Variants in BCKDHB observed in about 807,000 individuals in gnomAD.
BCKDHB encodes 2-oxoisovalerate dehydrogenase subunit beta, mitochondrial.
A neutral mutation model predicts 48.5 loss-of-function variants in BCKDHB; 41 were observed. The observed-to-expected ratio is 0.85, with a 90% CI of 0.66 to 1.10. The LOEUF (loss-of-function observed/expected upper bound fraction) is 1.10. BCKDHB is among the 50% of genes least tolerant of loss of function. BCKDHB has a pLI of 0.00. For missense variants in BCKDHB, 496 were observed against 494.2 expected, an observed-to-expected ratio of 1.00 and a Z score of -0.03; for synonymous variants, 201 against 174.8, an observed-to-expected ratio of 1.15 and a Z score of -1.18.
At chr6:80,336,252 T>G (rs1769585836) in intron 9 of BCKDHB, among the ~76,000 whole-genome samples, 1 of 151,922 alleles carries the variant, frequency 6.6e-6, no homozygotes, top group African/African-American at 2.4e-5. Context: ...GATTTTATTC[T>G]GACACAGCTG....
chr6:80,129,973 A>G (rs1044208845), intron 3 of BCKDHB, among the ~76,000 whole-genome samples: 1 of 152,208 alleles, frequency 6.6e-6, no homozygotes, highest in African/African-American at 2.4e-5. Flanking sequence ...AAGTTGACAT[A>G]TAATGAACCA....
chr6:80,326,098 TTAA>T (rs1469572501), intron 9 of BCKDHB, among the ~76,000 whole-genome samples: 1 of 152,192 alleles, frequency 6.6e-6, no homozygotes, highest in East Asian at 1.9e-4. Flanking sequence ...GTGTAGGATG[TTAA>T]TAATATTAAC....
the BCKDHB span, among the ~76,000 whole-genome samples, chr6:80,404,381 A>C: frequency 1.3e-5 from 2 of 151,600 alleles, no homozygotes; most frequent in Non-Finnish European, 2.9e-5. Flanking sequence ...AATCTCTTCT[A>C]TTCCTTTGTG....
chr6:80,322,256 GGTGA>G (rs1768775882), intron 9 of BCKDHB, among the ~76,000 whole-genome samples: 2 of 92,778 alleles, frequency 2.2e-5, no homozygotes, highest in Admixed American at 9.7e-5. Context: ...TTTTTTTTTT[GGTGA>G]CGGAGTCGCA....
At chr6:80,258,273 C>G (rs892317156) in intron 8 of BCKDHB, among the ~76,000 whole-genome samples, 2 of 152,140 alleles carry the variant, frequency 1.3e-5, no homozygotes, top group African/African-American at 4.8e-5. Flanking sequence ...TTCACCTGTT[C>G]CTCATCAGCT....
At chr6:80,402,320 AGAT>A in the BCKDHB span, among the ~76,000 whole-genome samples, 1 of 151,828 alleles carries the variant, frequency 6.6e-6, no homozygotes, top group African/African-American at 2.4e-5. Context: ...AATAGGCGTG[AGAT>A]GATATCTTAT....
the BCKDHB span, among the ~76,000 whole-genome samples, chr6:80,426,465 A>G: frequency 6.6e-6 from 1 of 152,140 alleles, no homozygotes; most frequent in African/African-American, 2.4e-5. Context: ...ACAATGCTAT[A>G]AATTTTCCTG....
intron 6 of BCKDHB, among the ~76,000 whole-genome samples, chr6:80,193,428 A>G (rs1458176151): frequency 6.6e-6 from 1 of 152,122 alleles, no homozygotes; most frequent in Non-Finnish European, 1.5e-5. Context: ...TCAGTTTAAG[A>G]AGTCTCCTGG....
chr6:80,182,890 T>A (rs968118847), intron 6 of BCKDHB, among the ~76,000 whole-genome samples: 2 of 152,182 alleles, frequency 1.3e-5, no homozygotes, highest in African/African-American at 4.8e-5. Flanking sequence ...TTTGATATAT[T>A]TCTGTATCTA....
At chr6:80,159,399 CA>C (rs1772207400) in intron 3 of BCKDHB, among the ~76,000 whole-genome samples, 1 of 152,144 alleles carries the variant, frequency 6.6e-6, no homozygotes, top group Non-Finnish European at 1.5e-5. Context: ...AGTAACTCCT[CA>C]CAGTCTCAGA....
At chr6:80,153,753 CTGAT>C (rs140369196) in intron 3 of BCKDHB, among the ~76,000 whole-genome samples, 12,785 of 152,164 alleles carry the variant, frequency 0.084, 794 homozygotes, top group South Asian at 0.24. Flanking sequence ...CAGATCAGCT[CTGAT>C]TGATAGCCAG....
At chr6:80,119,485 A>C (rs914579657) in intron 1 of BCKDHB, among the ~76,000 whole-genome samples, 8 of 151,872 alleles carry the variant, frequency 5.3e-5, no homozygotes, top group African/African-American at 1.9e-4. Context: ...TACTGGGCTA[A>C]TTTTTTGTAT....
At chr6:80,434,601 A>T in the BCKDHB span, among the ~76,000 whole-genome samples, 1 of 151,870 alleles carries the variant, frequency 6.6e-6, no homozygotes, top group Non-Finnish European at 1.5e-5. Context: ...TTTTGTTTTG[A>T]TGTCTAATTA....
At chr6:80,321,115 T>A (rs1768692824) in intron 9 of BCKDHB, among the ~76,000 whole-genome samples, 1 of 152,136 alleles carries the variant, frequency 6.6e-6, no homozygotes, top group African/African-American at 2.4e-5. Flanking sequence ...ACAATATAGT[T>A]CATCTAGGGC....
At chr6:80,329,354 T>C (rs1769206616) in intron 9 of BCKDHB, among the ~76,000 whole-genome samples, 1 of 152,222 alleles carries the variant, frequency 6.6e-6, no homozygotes, top group South Asian at 2.1e-4. Flanking sequence ...GTGTCTCACT[T>C]AGATTACCAG....
chr6:80,193,474 T>G (rs1049393039), intron 6 of BCKDHB, among the ~76,000 whole-genome samples: 1 of 152,114 alleles, frequency 6.6e-6, no homozygotes, highest in Non-Finnish European at 1.5e-5. Flanking sequence ...ATCCCAGCAC[T>G]TTGGGAGGCC....
rs184947777 is a variant in BCKDHB at position 80,210,614 on chromosome 6, C to A, written c.951+7402C>A. ...AAAAAGAAATAAAAAGAAGCACTAT[C>A]TTCTGTTTAATTCATTTCCTTTACT... On this transcript the variant is annotated intron_variant, in intron 8 of 9. Transcript: ENST00000320393. Among the ~76,000 whole-genome samples the A allele has an allele frequency of 3.4e-4, 51 of 152,236 alleles. No individual in the cohort carries two copies. The East Asian group carries it at 8.7e-3, about 26-fold the overall frequency.
At chr6:80,191,794 G>A (rs577513781) in intron 6 of BCKDHB, among the ~76,000 whole-genome samples, 6 of 152,342 alleles carry the variant, frequency 3.9e-5, no homozygotes, top group African/African-American at 1.2e-4. Context: ...GGGTGGGGAA[G>A]TGGGAAATCA....
chr6:80,327,190 C>T (rs1769073621), intron 9 of BCKDHB, among the ~76,000 whole-genome samples: 2 of 152,132 alleles, frequency 1.3e-5, no homozygotes, highest in Admixed American at 6.6e-5. Context: ...GTCAAAAATA[C>T]ATTTAATACA....
Sources: gnomAD v4.1 joint callset for allele counts (sites outside exome capture counted in the v4.1 genomes callset) on GRCh38, gnomAD v4.1.1 for gene constraint, MANE v1.5 for transcripts, NCBI Gene and HGNC (gene_info 2026-07-23, HGNC 2026-07-21) for gene names.